ZNF687: variants seen among roughly 807,000 people sequenced by gnomAD.
ZNF687 encodes the protein zinc finger protein 687.
ZNF687 carries 13 observed loss-of-function variants against 71.8 expected under a neutral mutation model. The observed-to-expected ratio is 0.18, with a 90% CI of 0.12 to 0.29. The LOEUF (loss-of-function observed/expected upper bound fraction) is 0.29, where lower values mean the gene tolerates loss of function less well. Ranked by LOEUF, ZNF687 falls within the 10% of genes least tolerant of loss-of-function variation. The pLI, the probability that ZNF687 is intolerant of heterozygous loss-of-function variation, is 1.00. For missense variants in ZNF687, 1,412 were observed against 1,625.6 expected (o/e 0.87, Z 2.26); for synonymous variants, 673 against 641.6 (o/e 1.05, Z -0.74).
At position 151,287,257 on chromosome 1, in the gene ZNF687, C is replaced by T. The variant is rs3748546; in HGVS notation, c.966C>T (p.Ser322=). 6.0e-5 allele frequency: 97 copies of T among 1,614,022 alleles called. No homozygotes were observed. In the East Asian group the frequency reaches 2.1e-3, roughly 35 times the overall value. ...ADEDSNDSPA[S]SSSRPLKVRI... ...AGGACAGCAATGACTCCCCTGCCTC[C>T]AGCTCCTCTAGGCCTCTTAAGGTGC... Residue 322 remains serine (S), a synonymous_variant, in exon 2 of 9, where the codon TCC becomes TCT. Coordinates refer to ENST00000336715, the MANE Select transcript of ZNF687 (RefSeq NM_020832.3). The surrounding 1 kb of genome is among the most constrained non-coding windows in gnomAD (Gnocchi z 5.0).
chr1:151,282,760 C>A (rs746511559), intron 1 of ZNF687, among the ~76,000 whole-genome samples: 1 of 152,128 alleles, frequency 6.6e-6, no homozygotes, highest in Non-Finnish European at 1.5e-5. Flanking sequence ...CAGGCCGGAG[C>A]AGAACCTGCA....
rs200702265 is a variant in ZNF687 at position 151,289,993 on chromosome 1, A to G, written c.2950A>G (p.Lys984Glu). 72 of 1,583,354 alleles carry G rather than the reference A, an allele frequency of 4.5e-5. No homozygotes were observed. Among genetic ancestry groups the G allele is most frequent in the East Asian group, 2.2e-4 (10 of 44,464 alleles). The change falls in exon 6 of 9, where the codon AAG becomes GAG. Residue 984 changes from lysine to glutamate, a missense_variant. By Grantham distance (56) the Lys-to-Glu change is moderately conservative. Coordinates refer to ENST00000336715, the MANE Select transcript of ZNF687 (RefSeq NM_020832.3). ...ERDEYVAHMK[K>E]EHGKSVKKFP... ...TGATGAATACGTGGCCCACATGAAG[A>G]AGGAGCATGGCAAGGTGAGTGGGCC...
At chr1:151,290,096 T>C (rs747648287) in intron 6 of ZNF687, 26 bp from the exon 7 acceptor site, 11 of 1,613,338 alleles carry the variant, frequency 6.8e-6, no homozygotes, top group Non-Finnish European at 8.5e-6. Flanking sequence ...GGAGCCTGGC[T>C]CTGACATCTA....
chr1:151,290,377 G>C (rs1275774203), intron 7 of ZNF687, 55 bp from the exon 8 acceptor site: 3 of 1,613,260 alleles, frequency 1.9e-6, no homozygotes, highest in Non-Finnish European at 2.5e-6. Flanking sequence ...TCAGAAGCAA[G>C]GGCCCTGGCC....
Position 151,291,216 on chromosome 1 carries a change from A to G in ZNF687, c.*7A>G, listed in dbSNP as rs1418796292. 2 of 1,605,808 alleles carry G rather than the reference A, an allele frequency of 1.2e-6. No homozygotes were observed. The highest frequency in any genetic ancestry group is 8.5e-7 in the Non-Finnish European group (1 of 1,175,492). On this transcript the variant is annotated 3_prime_UTR_variant, in exon 9 of 9. Transcript: ENST00000336715. ...GGCTGTTGGGGACAACTAGTCTCCAAGGCCTGGGACTGACCAGCCCCTTCC... is the reference window on the plus strand; with the variant it reads ...GGCTGTTGGGGACAACTAGTCTCCAGGGCCTGGGACTGACCAGCCCCTTCC...
chr1:151,288,520 C>T lies in ZNF687; in HGVS notation c.2116-8C>T. 6.3e-7 allele frequency: 1 copy of T among 1,595,664 alleles called. No individual in the cohort carries two copies. Among genetic ancestry groups the T allele is most frequent in the Non-Finnish European group, 8.6e-7 (1 of 1,168,264 alleles). ...TCACCGACTTTCCTTGTTTAACCCA[C>T]TCGACAGGTGTGCCCAACCTGCCCC... On this transcript the variant is annotated splice_region_variant and splice_polypyrimidine_tract_variant and intron_variant, in intron 2 of 8. Transcript: ENST00000336715.
upstream of ZNF687, chr1:151,281,547 A>G: frequency 2.1e-6 from 1 of 471,032 alleles, no homozygotes; most frequent in Non-Finnish European, 4.4e-6. Context: ...CCCAACCTTT[A>G]GGTCCCGATT....
At position 151,286,641 on chromosome 1, in the gene ZNF687, C is replaced by T. The variant is rs752437669; in HGVS notation, c.350C>T (p.Pro117Leu). The change falls in exon 2 of 9, where the codon CCT (proline) becomes CTT (leucine). Residue 117 changes from proline (P) to leucine (L), a missense_variant. Physicochemically the swap from Pro to Leu is moderately conservative, Grantham distance 98. Coordinates refer to ENST00000336715, the MANE Select transcript of ZNF687 (RefSeq NM_020832.3). The part of the protein sequence containing the change: ...AQAAGVTKEG[P>L]VGPHRMQNGF... ...GCTGCTGGGGTAACTAAAGAAGGGC[C>T]TGTGGGGCCTCATCGAATGCAGAAT... is the stretch of plus-strand genomic sequence containing the variant. 2 of 1,614,108 alleles carry T rather than the reference C, an allele frequency of 1.2e-6. No homozygotes were observed.
intron 8 of ZNF687, 33 bp from the exon 9 acceptor site, chr1:151,290,682 T>C: frequency 6.3e-7 from 1 of 1,581,354 alleles, no homozygotes; most frequent in South Asian, 1.2e-5. Context: ...GTAGGGGTGG[T>C]GGTAAGGCCC....
intron 1 of ZNF687, chr1:151,283,669 T>C (rs146807553): frequency 4.0e-6 from 1 of 251,564 alleles, no homozygotes; most frequent in African/African-American, 2.3e-5. Flanking sequence ...GGAAGGTAGC[T>C]CAGGCCTCTG....
rs141479219 is a variant in ZNF687 at position 151,288,271 on chromosome 1, G to A, written c.1980G>A (p.Glu660=). The change falls in exon 2 of 9, where the codon GAG becomes GAA. Residue 660 remains glutamate, a synonymous_variant. Transcript: ENST00000336715. ...CCCCTGTCCTGCCGCTCTCCACAGA[G>A]CCGCCTGCTGCCCCGGCCACCTCTG... is the stretch of plus-strand genomic sequence containing the variant. ...AEAPVLPLST[E]PPAAPATSAY... 17 of 1,613,476 alleles carry A rather than the reference G, an allele frequency of 1.1e-5. No individual in the cohort carries two copies. Among genetic ancestry groups the A allele is most frequent in the Non-Finnish European group, 1.4e-5 (17 of 1,180,002 alleles).
Position 151,288,234 on chromosome 1 carries a change from T to C in ZNF687, c.1943T>C (p.Val648Ala). Reference sequence around the variant, plus strand: ...ATCACCTCCTCTGCCATTACTACAGTTGCTGCTGAGGCCCCTGTCCTGCCG... The same window carrying C: ...ATCACCTCCTCTGCCATTACTACAGCTGCTGCTGAGGCCCCTGTCCTGCCG... The part of the protein sequence containing the change: ...GAITSSAITT[V>A]AAEAPVLPLS... The change falls in exon 2 of 9, where the codon GTT becomes GCT. Residue 648 changes from valine (V) to alanine (A), a missense_variant. By Grantham distance (64) the Val-to-Ala change is moderately conservative. Transcript: ENST00000336715. 3 of 1,613,682 alleles carry C rather than the reference T, an allele frequency of 1.9e-6. No homozygotes were observed. Among genetic ancestry groups the C allele is most frequent in the Non-Finnish European group, 2.5e-6 (3 of 1,179,994 alleles).
At position 151,286,912 on chromosome 1, in the gene ZNF687, A is replaced by G. The variant is rs758908071; in HGVS notation, c.621A>G (p.Pro207=). The G allele has an allele frequency of 2.5e-6, 4 of 1,613,046 alleles. No individual in the cohort carries two copies. Among genetic ancestry groups the G allele is most frequent in the Non-Finnish European group, 3.4e-6 (4 of 1,179,414 alleles). Residue 207 remains proline, a synonymous_variant, in exon 2 of 9, where the codon CCA becomes CCG. Transcript: ENST00000336715. The stretch of plus-strand genomic sequence containing the variant: ...TTGAGCTGGCCCAGGAGAATGGCCC[A>G]GGCATGCAGCCACCTGTTTCTTCCC... The part of the protein sequence containing the change: ...SSFELAQENG[P]GMQPPVSSPP...
chr1:151,284,469 T>C (rs938730478), intron 1 of ZNF687, among the ~76,000 whole-genome samples: 3 of 152,178 alleles, frequency 2.0e-5, no homozygotes, highest in Non-Finnish European at 2.9e-5. Context: ...TGTCTCTTTC[T>C]GTTCCTGTGT....
chr1:151,290,655 T>C (rs1300620075), intron 8 of ZNF687, 60 bp from the exon 9 acceptor site: 5 of 1,579,346 alleles, frequency 3.2e-6, no homozygotes, highest in Non-Finnish European at 4.3e-6. Context: ...GAAGCGAGCA[T>C]GGGGGTGCCA....
Position 151,288,007 on chromosome 1 carries a change from C to T in ZNF687, c.1716C>T (p.Phe572=), listed in dbSNP as rs1037365240. ...TCNHCARRLV[F]FNKCSLLLHA... ...ACCACTGCGCCCGCCGCCTGGTCTT[C>T]TTCAACAAGTGCAGCCTGCTCCTGC... is the stretch of plus-strand genomic sequence containing the variant. Residue 572 remains phenylalanine, a synonymous_variant, in exon 2 of 9, where the codon TTC becomes TTT. Coordinates refer to ENST00000336715, the MANE Select transcript of ZNF687 (RefSeq NM_020832.3). 2 of 1,614,078 alleles carry T rather than the reference C, an allele frequency of 1.2e-6. No individual in the cohort carries two copies. Among genetic ancestry groups the T allele is most frequent in the Non-Finnish European group, 1.7e-6 (2 of 1,180,046 alleles).
rs1240008378 is a variant in ZNF687, at chr1:151,287,085, A to C, written c.794A>C (p.Gln265Pro). 6 of 1,613,764 alleles carry C rather than the reference A, an allele frequency of 3.7e-6. No individual in the cohort carries two copies. The highest frequency in any genetic ancestry group is 4.2e-6 in the Non-Finnish European group (5 of 1,179,698). ...PPVAGVPFFK[Q>P]SPGHQSPLAS... ...GTTGCTGGGGTGCCCTTCTTCAAGCAGTCTCCAGGGCACCAGAGCCCTCTT... is the reference window on the plus strand; with the variant it reads ...GTTGCTGGGGTGCCCTTCTTCAAGCCGTCTCCAGGGCACCAGAGCCCTCTT... Residue 265 changes from glutamine (Q) to proline (P), a missense_variant, in exon 2 of 9, where the codon CAG becomes CCG. This residue lies in a region of ZNF687 where 490 missense variants were observed against 489.9 expected (regional missense o/e 1.00). Coordinates refer to ENST00000336715, the MANE Select transcript of ZNF687 (RefSeq NM_020832.3). This position sits in a 1 kb window ranked among gnomAD's most constrained non-coding sequence, Gnocchi z 5.0.
upstream of ZNF687, chr1:151,281,959 C>A (rs1347776390): frequency 1.7e-6 from 2 of 1,178,090 alleles, no homozygotes; most frequent in Non-Finnish European, 2.2e-6. Flanking sequence ...TGGGTGCTCC[C>A]CCTTCCAGTA....
In ZNF687 at chr1:151,291,056, T is replaced by C. The variant is rs1694222629; in HGVS notation, c.3561T>C (p.Asp1187=). Reference sequence around the variant, plus strand: ...CCCCTCCATCAAGGTCTGACCCCGATGGTGGAGACTCACCCCTGCCTGCTT... The same window carrying C: ...CCCCTCCATCAAGGTCTGACCCCGACGGTGGAGACTCACCCCTGCCTGCTT... ...EEAPPSRSDP[D]GGDSPLPASG... Residue 1187 remains aspartate, a synonymous_variant, in exon 9 of 9, where the codon GAT becomes GAC. Coordinates refer to ENST00000336715, the MANE Select transcript of ZNF687 (RefSeq NM_020832.3). 3.7e-6 allele frequency: 6 copies of C among 1,613,642 alleles called. No individual in the cohort carries two copies. Among genetic ancestry groups the C allele is most frequent in the African/African-American group, 1.3e-5 (1 of 74,902 alleles).
Sources: allele counts gnomAD v4.1 joint callset (sites outside exome capture counted in the v4.1 genomes callset), GRCh38; gene constraint gnomAD v4.1.1; regional missense constraint gnomAD v4.1.1; non-coding constraint Gnocchi (gnomAD v3.1); transcripts MANE v1.5; gene names NCBI Gene and HGNC (gene_info 2026-07-23, HGNC 2026-07-21).